SEZ6L: variants seen among roughly 807,000 people sequenced by gnomAD.
SEZ6L encodes seizure 6-like protein.
In SEZ6L, 37 loss-of-function variants were observed where a neutral mutation model predicts 106.2. The observed-to-expected ratio is 0.35, with a 90% CI of 0.27 to 0.46. The LOEUF (loss-of-function observed/expected upper bound fraction) is 0.46, where lower values mean the gene tolerates loss of function less well. SEZ6L is among the 20% of genes least tolerant of loss of function. The probability of loss-of-function intolerance (pLI) is 1.00; values close to 1 mark genes in which losing one functional copy is unlikely to be tolerated. For missense variants in SEZ6L, 1,172 were observed against 1,332.8 expected (o/e 0.88, Z 1.88); for synonymous variants, 541 against 570.4 (o/e 0.95, Z 0.73).
chr22:26,355,782 G>A (rs2083419552), intron 12 of SEZ6L, among the ~76,000 whole-genome samples: 5 of 152,190 alleles, frequency 3.3e-5, no homozygotes, highest in Admixed American at 2.6e-4. Context: ...AGCTCTGGTT[G>A]TCTACAGCCT....
At chr22:26,221,117 C>T (rs565935290) in intron 1 of SEZ6L, among the ~76,000 whole-genome samples, 12 of 152,166 alleles carry the variant, frequency 7.9e-5, no homozygotes, top group Admixed American at 1.3e-4. Flanking sequence ...CAGTGAATGT[C>T]GAACAAATAA....
At chr22:26,181,184 C>T (rs1939367134) in intron 1 of SEZ6L, among the ~76,000 whole-genome samples, 1 of 152,186 alleles carries the variant, frequency 6.6e-6, no homozygotes, top group African/African-American at 2.4e-5. Flanking sequence ...AATGGTACCC[C>T]TGGAATTAAG....
Position 26,377,720 on chromosome 22 carries a change from C to T in SEZ6L, c.2990C>T (p.Pro997Leu), listed in dbSNP as rs1260798805. ...NLRLPLMYSH[P>L]YSQITVETEF... ...CGCCTGCCTCTGATGTACTCCCACC[C>T]CTACAGCCAGATCACCGTGGAAACC... Residue 997 changes from proline to leucine, a missense_variant, in exon 16 of 17, where the codon CCC becomes CTC. By Grantham distance (98) the Pro-to-Leu change is moderately conservative. This residue lies in a region of SEZ6L where 141 missense variants were observed against 176.0 expected (regional missense o/e 0.80). Coordinates refer to ENST00000248933, the MANE Select transcript of SEZ6L (RefSeq NM_021115.5). 6.2e-7 allele frequency: 1 copy of T among 1,614,066 alleles called. No individual in the cohort carries two copies. The highest frequency in any genetic ancestry group is 1.3e-5 in the African/African-American group (1 of 75,030).
At chr22:26,327,896 T>C (rs2082369628) in intron 9 of SEZ6L, among the ~76,000 whole-genome samples, 1 of 152,222 alleles carries the variant, frequency 6.6e-6, no homozygotes, top group Admixed American at 6.5e-5. Flanking sequence ...AAGGAAGCAA[T>C]GTGGGCAGTG....
intron 1 of SEZ6L, among the ~76,000 whole-genome samples, chr22:26,236,457 C>A (rs1029032984): frequency 1.3e-5 from 2 of 152,102 alleles, no homozygotes; most frequent in South Asian, 4.2e-4. Flanking sequence ...TGCATTTGGT[C>A]GATCTCTCTG....
chr22:26,171,540 A>G (rs1411068109), intron 1 of SEZ6L, among the ~76,000 whole-genome samples: 3 of 152,226 alleles, frequency 2.0e-5, no homozygotes, highest in African/African-American at 7.2e-5. Flanking sequence ...CACGTATTGA[A>G]TTGTCATCTA....
intron 1 of SEZ6L, among the ~76,000 whole-genome samples, chr22:26,196,652 G>T (rs1319659723): frequency 6.6e-6 from 1 of 152,196 alleles, no homozygotes; most frequent in Non-Finnish European, 1.5e-5. Flanking sequence ...TGACTGCTGG[G>T]TGGAGAATGA....
intron 1 of SEZ6L, among the ~76,000 whole-genome samples, chr22:26,212,860 CATCA>C (rs1264462409): frequency 1.3e-5 from 2 of 152,158 alleles, no homozygotes; most frequent in African/African-American, 2.4e-5. Flanking sequence ...GGTGGCCATG[CATCA>C]ATCAGAGTGG....
At chr22:26,251,843 G>T (rs1278632527) in intron 1 of SEZ6L, among the ~76,000 whole-genome samples, 1 of 152,116 alleles carries the variant, frequency 6.6e-6, no homozygotes, top group East Asian at 1.9e-4. Flanking sequence ...GCAAAGGAGT[G>T]GTCCTGTGTG....
intron 1 of SEZ6L, among the ~76,000 whole-genome samples, chr22:26,220,033 C>T (rs1185801565): frequency 6.6e-6 from 1 of 152,128 alleles, no homozygotes; most frequent in Non-Finnish European, 1.5e-5. Context: ...GGTGGGGATG[C>T]CAGTGAGCTT....
At chr22:26,272,173 C>A (rs1163755342) in intron 1 of SEZ6L, among the ~76,000 whole-genome samples, 1 of 152,210 alleles carries the variant, frequency 6.6e-6, no homozygotes, top group Non-Finnish European at 1.5e-5. Context: ...TTGAAGAGAG[C>A]AAACCTAAAA....
intron 1 of SEZ6L, among the ~76,000 whole-genome samples, chr22:26,199,569 T>A (rs1940795689): frequency 6.6e-6 from 1 of 152,166 alleles, no homozygotes; most frequent in African/African-American, 2.4e-5. Flanking sequence ...TTTAATTGAT[T>A]CTCTCATATG....
At chr22:26,175,702 A>G (rs1298432383) in intron 1 of SEZ6L, among the ~76,000 whole-genome samples, 1 of 152,110 alleles carries the variant, frequency 6.6e-6, no homozygotes, top group Non-Finnish European at 1.5e-5. Context: ...ACTGCTTGCA[A>G]TTTCTCAAGT....
At chr22:26,314,071 TACACACAC>T (rs55746736) in intron 9 of SEZ6L, among the ~76,000 whole-genome samples, 169 bp downstream of exon 9, 1 of 145,610 alleles carries the variant, frequency 6.9e-6, no homozygotes, top group African/African-American at 2.6e-5. Flanking sequence ...GCATCACAAA[TACACACAC>T]ACACACACAC....
intron 1 of SEZ6L, among the ~76,000 whole-genome samples, chr22:26,188,943 G>T (rs900062764): frequency 6.6e-6 from 1 of 152,174 alleles, no homozygotes; most frequent in African/African-American, 2.4e-5. Context: ...TACTGCTCTA[G>T]CATTAATACA....
intron 4 of SEZ6L, among the ~76,000 whole-genome samples, chr22:26,297,322 C>A (rs1456152074): frequency 6.6e-6 from 1 of 152,154 alleles, no homozygotes; most frequent in East Asian, 1.9e-4. Flanking sequence ...AATCTATGTG[C>A]TTTTTATTAA....
intron 5 of SEZ6L, among the ~76,000 whole-genome samples, chr22:26,304,364 AGAAAGAAGAAAGAAAGAAAGAAAG>A (rs1264903630): frequency 4.6e-5 from 4 of 86,266 alleles, no homozygotes; most frequent in African/African-American, 1.7e-4. Flanking sequence ...AAAAAAAAAA[AGAAAGAAGAAAGAAAGAAAGAAAG>A]AAAGAAAGAA....
intron 1 of SEZ6L, 183 bp from the exon 2 acceptor site, chr22:26,292,223 A>G: frequency 1.8e-6 from 1 of 550,106 alleles, no homozygotes; most frequent in Non-Finnish European, 3.2e-6. Flanking sequence ...AAAGAGAAAG[A>G]GGGAGAGAGG....
chr22:26,323,346 G>A (rs116667303), intron 9 of SEZ6L, among the ~76,000 whole-genome samples: 3 of 152,150 alleles, frequency 2.0e-5, no homozygotes, highest in African/African-American at 4.8e-5. Flanking sequence ...TGAAAGAGAC[G>A]GTAAGGCTGG....
Sources: gnomAD v4.1 joint callset for allele counts (sites outside exome capture counted in the v4.1 genomes callset) on GRCh38, gnomAD v4.1.1 for gene constraint, gnomAD v4.1.1 regional missense constraint, MANE v1.5 for transcripts, NCBI Gene and HGNC (gene_info 2026-07-23, HGNC 2026-07-21) for gene names.